The following AKAP9 variants were observed in gnomAD, a reference collection of about 807,000 sequenced individuals.
The protein encoded by AKAP9 is A-kinase anchoring protein 9.
Under a neutral mutation model 488.5 loss-of-function variants are expected in AKAP9, and 311 were observed. That is an observed-to-expected ratio of 0.64 (90% CI 0.58 to 0.70). The LOEUF (loss-of-function observed/expected upper bound fraction) is 0.70. Ranked by LOEUF, AKAP9 falls within the 30% of genes least tolerant of loss-of-function variation. AKAP9 has a pLI of 0.00. For missense variants in AKAP9, 4,215 were observed against 4,374.5 expected (o/e 0.96, Z 1.03); for synonymous variants, 1,462 against 1,483.5 (o/e 0.99, Z 0.33).
At chr7:92,091,598 CAAAA>C (rs1352327833) in intron 38 of AKAP9, among the ~76,000 whole-genome samples, 4 of 131,070 alleles carry the variant, frequency 3.1e-5, no homozygotes, top group African/African-American at 5.8e-5. Context: ...AAAAAAAAAA[CAAAA>C]AAAAAAAACA....
At chr7:92,084,162 T>A (rs543147493) in intron 33 of AKAP9, among the ~76,000 whole-genome samples, 1 of 152,338 alleles carries the variant, frequency 6.6e-6, no homozygotes, top group African/African-American at 2.4e-5. Context: ...GAACGCATCC[T>A]TTTTTATGGC....
intron 7 of AKAP9, among the ~76,000 whole-genome samples, chr7:91,999,044 A>G (rs1483918488): frequency 6.6e-6 from 1 of 152,190 alleles, no homozygotes; most frequent in African/African-American, 2.4e-5. Flanking sequence ...ATACCAAGGC[A>G]CAAGCTGATA....
intron 7 of AKAP9, among the ~76,000 whole-genome samples, chr7:92,000,176 A>T (rs973915503): frequency 1.3e-5 from 2 of 152,344 alleles, no homozygotes; most frequent in East Asian, 3.9e-4. Context: ...GGGGGAGAGT[A>T]TCTGCTTTGC....
At chr7:92,108,278 T>A (rs1818855065) in intron 48 of AKAP9, among the ~76,000 whole-genome samples, 1 of 152,188 alleles carries the variant, frequency 6.6e-6, no homozygotes, top group African/African-American at 2.4e-5. Context: ...GCCACAAGCA[T>A]TGTATTGGAC....
At chr7:92,000,821 C>A in intron 7 of AKAP9, 27 bp from the exon 8 acceptor site, 1 of 1,216,820 alleles carries the variant, frequency 8.2e-7, no homozygotes, top group Non-Finnish European at 1.1e-6. Context: ...AAATGCCATT[C>A]TTACATTTTC....
intron 2 of AKAP9, among the ~76,000 whole-genome samples, chr7:91,977,152 C>T (rs1484089995): frequency 6.6e-6 from 1 of 152,124 alleles, no homozygotes; most frequent in Non-Finnish European, 1.5e-5. Flanking sequence ...CCCAGCTACT[C>T]CAGAGGCTAA....
chr7:92,003,038 A>T lies in AKAP9; in HGVS notation c.3121A>T (p.Ser1041Cys), dbSNP rs1799360113. The T allele has an allele frequency of 6.2e-7, 1 of 1,613,404 alleles. No homozygotes were observed. The highest frequency in any genetic ancestry group is 8.5e-7 in the Non-Finnish European group (1 of 1,179,614). ...AEGSVSKVNK[S>C]FGEESKIMVE... is the part of the protein sequence containing the mutation. ...AGGATCAGTTTCTAAAGTAAATAAA[A>T]GTTTTGGTGAAGAATCAAAAATAAT... The change falls in exon 8 of 50, where the codon AGT (serine) becomes TGT (cysteine). Residue 1041 changes from serine (S) to cysteine (C), a missense_variant. By Grantham distance (112) the Ser-to-Cys change is moderately radical (BLOSUM62 -1). Transcript: ENST00000356239.
intron 1 of AKAP9, among the ~76,000 whole-genome samples, chr7:91,965,748 G>A (rs561157245): frequency 2.5e-4 from 38 of 152,212 alleles, no homozygotes; most frequent in African/African-American, 8.7e-4. Flanking sequence ...ATAATATATC[G>A]TGGTGGTTTT....
intron 28 of AKAP9, among the ~76,000 whole-genome samples, chr7:92,071,245 C>G (rs985037946): frequency 6.6e-6 from 1 of 152,010 alleles, no homozygotes; most frequent in Non-Finnish European, 1.5e-5. Context: ...TGAAGCAGGA[C>G]GAAGTTCGGA....
chr7:92,010,071 A>G (rs1011427866), intron 8 of AKAP9, among the ~76,000 whole-genome samples: 1 of 152,130 alleles, frequency 6.6e-6, no homozygotes, highest in African/African-American at 2.4e-5. Flanking sequence ...ACATTTTTTT[A>G]CAGACAGGAG....
chr7:92,080,458 C>G (rs888826381), intron 31 of AKAP9, among the ~76,000 whole-genome samples: 1 of 151,776 alleles, frequency 6.6e-6, no homozygotes, highest in African/African-American at 2.4e-5. Flanking sequence ...ATTATCCGGG[C>G]GTGGTGGTGG....
intron 1 of AKAP9, among the ~76,000 whole-genome samples, chr7:91,953,360 GA>G (rs781386980): frequency 1.8e-4 from 27 of 152,156 alleles, no homozygotes; most frequent in Non-Finnish European, 3.4e-4. Flanking sequence ...ATTTTTCAAA[GA>G]TTTTGAATTG....
At position 92,001,438 on chromosome 7, in the gene AKAP9, T is replaced by C. The variant is rs1799168679; in HGVS notation, c.1521T>C (p.Ser507=). The C allele has an allele frequency of 6.2e-7, 1 of 1,613,744 alleles. No individual in the cohort carries two copies. Among genetic ancestry groups the C allele is most frequent in the East Asian group, 2.2e-5 (1 of 44,862 alleles). ...ATATAAAATTGCAAGATACTAACTC[T>C]CAAAAGGAAAAACTCAAGGAAGAAC... is the stretch of plus-strand genomic sequence containing the variant. ...ELNIKLQDTN[S]QKEKLKEELG... is the part of the protein sequence containing the mutation. Residue 507 remains serine, a synonymous_variant, in exon 8 of 50, where the codon TCT becomes TCC. Coordinates refer to ENST00000356239, the MANE Select transcript of AKAP9 (RefSeq NM_005751.5).
At chr7:92,073,024 T>C (rs1811973365) in intron 28 of AKAP9, among the ~76,000 whole-genome samples, 1 of 152,074 alleles carries the variant, frequency 6.6e-6, no homozygotes, top group Non-Finnish European at 1.5e-5. Flanking sequence ...TGCCAAAGCA[T>C]TGGGGCCCAT....
intron 1 of AKAP9, among the ~76,000 whole-genome samples, chr7:91,942,592 C>T (rs2130429860): frequency 6.6e-6 from 1 of 152,304 alleles, no homozygotes; most frequent in East Asian, 1.9e-4. Context: ...TCTTACTTGT[C>T]TGTTACCTCA....
At chr7:92,009,448 A>G (rs776711618) in intron 8 of AKAP9, among the ~76,000 whole-genome samples, 29 of 152,330 alleles carry the variant, frequency 1.9e-4, no homozygotes, top group Admixed American at 3.9e-4. Context: ...TAAGCCAATA[A>G]CAATTAAAGA....
At position 92,003,253 on chromosome 7, in the gene AKAP9, T is replaced by C. The variant is rs1239903201; in HGVS notation, c.3318+18T>C. On this transcript the variant is annotated intron_variant, in intron 8 of 49. Transcript: ENST00000356239. ...CAGAACAGGTATGTTTACTTCTTCA[T>C]ATATGGTAAAGCACAATGAAAAAAA... 6.5e-7 allele frequency: 1 copy of C among 1,535,888 alleles called. No homozygotes were observed. Among genetic ancestry groups the C allele is most frequent in the South Asian group, 1.1e-5 (1 of 88,532 alleles).
chr7:92,110,520 GA>G lies in AKAP9; in HGVS notation c.*363del, dbSNP rs1018209741. ...CCTGCACTTTTCTTATAAGGCTACT[GA>G]AGTTACATGTTTTGCCTAATATATT... On this transcript the variant is annotated 3_prime_UTR_variant, in exon 50 of 50. Coordinates refer to ENST00000356239, the MANE Select transcript of AKAP9 (RefSeq NM_005751.5). 4 of 283,292 alleles carry G rather than the reference GA, an allele frequency of 1.4e-5. No homozygotes were observed. The highest frequency in any genetic ancestry group is 2.7e-5 in the Non-Finnish European group (4 of 149,286). The allele number at this position is 283,292 out of a possible 1,614,324, so 17.5% of individuals were successfully genotyped here. A position where few individuals can be genotyped will look rare whatever the true frequency, so the allele number is the denominator to read the frequency against.
intron 3 of AKAP9, among the ~76,000 whole-genome samples, chr7:91,984,749 A>C (rs1467573420): frequency 1.3e-5 from 2 of 152,158 alleles, no homozygotes; most frequent in African/African-American, 4.8e-5. Context: ...AATATTGATT[A>C]TTCCTATCCA....
Sources: gnomAD v4.1 joint callset for allele counts (sites outside exome capture counted in the v4.1 genomes callset) on GRCh38, gnomAD v4.1.1 for gene constraint, MANE v1.5 for transcripts, NCBI Gene and HGNC (gene_info 2026-07-23, HGNC 2026-07-21) for gene names.